Variants in PBRM1 observed in about 807,000 individuals in gnomAD.
The protein encoded by PBRM1 is polybromo 1.
In PBRM1, 27 loss-of-function variants were observed where a neutral mutation model predicts 194.5. The observed-to-expected ratio is 0.14, with a 90% CI of 0.10 to 0.19. The LOEUF (loss-of-function observed/expected upper bound fraction) is 0.19, where lower values mean the gene tolerates loss of function less well. Among genes scored for constraint, PBRM1 ranks in the 10% least tolerant of loss-of-function variants. The pLI is 1.00. For synonymous variants in PBRM1, 655 were observed against 693.2 expected, an observed-to-expected ratio of 0.94 and a Z score of 0.87; for missense variants, 1,466 against 2,077.2, an observed-to-expected ratio of 0.71 and a Z score of 5.72.
chr3:52,565,223 G>A (rs930570572), intron 22 of PBRM1, among the ~76,000 whole-genome samples: 10 of 149,256 alleles, frequency 6.7e-5, no homozygotes, highest in African/African-American at 2.5e-4. Flanking sequence ...AATTCAAAAT[G>A]GGCTGGGTGC....
At chr3:52,599,754 C>T (rs893068551) in intron 17 of PBRM1, among the ~76,000 whole-genome samples, 13 of 151,404 alleles carry the variant, frequency 8.6e-5, no homozygotes, top group Non-Finnish European at 1.9e-4. Context: ...GGTGTGAACC[C>T]GGGAGGTGGA....
Position 52,549,084 on chromosome 3 carries a change from G to A in PBRM1, c.4898-849C>T, listed in dbSNP as rs934055934. ...CACCCAGGCTGGAGTGCAGTGGTGC[G>A]ATCTTGGCTCACTGCAACCTCCACC... is the stretch of plus-strand genomic sequence containing the variant. On this transcript the variant is annotated intron_variant, in intron 29 of 29. Coordinates refer to ENST00000296302, the Ensembl canonical transcript of PBRM1. Among the ~76,000 whole-genome samples the A allele has an allele frequency of 3.5e-4, 53 of 150,792 alleles. 1 individual carries two copies. The highest frequency in any genetic ancestry group is 4.4e-4 in the Non-Finnish European group (30 of 67,794).
intron 27 of PBRM1, among the ~76,000 whole-genome samples, chr3:52,553,348 C>A (rs1575500565): frequency 6.6e-6 from 1 of 152,182 alleles, no homozygotes; most frequent in Admixed American, 6.5e-5. Flanking sequence ...TGCTAATTCA[C>A]ATTTTAAAGT....
intron 2 of PBRM1, among the ~76,000 whole-genome samples, chr3:52,673,671 C>CAAA (rs1324914906): frequency 4.1e-4 from 16 of 39,192 alleles, no homozygotes; most frequent in East Asian, 9.5e-4. Flanking sequence ...GACTCCATCT[C>CAAA]AAAAAAAAAA....
At chr3:52,583,983 T>G (rs940958332) in intron 20 of PBRM1, among the ~76,000 whole-genome samples, 1 of 152,112 alleles carries the variant, frequency 6.6e-6, no homozygotes, top group South Asian at 2.1e-4. Context: ...TAAAATGTAA[T>G]ACATCTGGCA....
At chr3:52,676,625 A>G (rs1011723690) in intron 2 of PBRM1, among the ~76,000 whole-genome samples, 3 of 152,184 alleles carry the variant, frequency 2.0e-5, no homozygotes, top group African/African-American at 7.2e-5. Flanking sequence ...AATTGATACC[A>G]GTAGAGTTGG....
chr3:52,553,663 CTTTTTTTT>C (rs71084188), intron 27 of PBRM1, among the ~76,000 whole-genome samples: 4 of 119,424 alleles, frequency 3.3e-5, no homozygotes, highest in African/African-American at 9.4e-5. Context: ...CTAATTTTTC[CTTTTTTTT>C]TTTTTTTTTT....
At chr3:52,682,026 T>C (rs117899456), upstream of PBRM1, 71 of 154,862 alleles carry the variant, frequency 4.6e-4, no homozygotes, top group East Asian at 0.011. Context: ...CTGACAGTTC[T>C]TCCATTTTAA....
intron 1 of PBRM1, chr3:52,684,771 T>A (rs1461550294): frequency 6.6e-6 from 1 of 152,244 alleles, no homozygotes; most frequent in Non-Finnish European, 1.5e-5. Flanking sequence ...TTGAGGTATT[T>A]TGTACATTCC....
chr3:52,600,268 A>G (rs554861812), intron 17 of PBRM1, among the ~76,000 whole-genome samples: 6 of 152,238 alleles, frequency 3.9e-5, no homozygotes, highest in African/African-American at 9.6e-5. Context: ...AGGTTTTTCA[A>G]CCTTTTAAAA....
At chr3:52,623,399 G>A (rs891023491) in intron 13 of PBRM1, among the ~76,000 whole-genome samples, 2 of 152,240 alleles carry the variant, frequency 1.3e-5, no homozygotes, top group African/African-American at 4.8e-5. Context: ...CCCACCTTAA[G>A]AGCTTCAGTT....
chr3:52,676,692 C>A (rs1295034258), intron 2 of PBRM1, among the ~76,000 whole-genome samples: 1 of 152,144 alleles, frequency 6.6e-6, no homozygotes, highest in Admixed American at 6.6e-5. Flanking sequence ...GGATAACAGG[C>A]AGAGGATGCA....
chr3:52,593,374 C>T (rs1380097902), intron 17 of PBRM1, among the ~76,000 whole-genome samples: 1 of 152,106 alleles, frequency 6.6e-6, no homozygotes, highest in African/African-American at 2.4e-5. Flanking sequence ...ATAGCTGGGA[C>T]TACAGGCACA....
chr3:52,619,117 C>G (rs1462049482), intron 13 of PBRM1, among the ~76,000 whole-genome samples: 3 of 152,210 alleles, frequency 2.0e-5, no homozygotes, highest in African/African-American at 7.2e-5. Flanking sequence ...TGGTCTCAAA[C>G]TCCTGACCTC....
chr3:52,573,574 C>T (rs1387506827), intron 22 of PBRM1, among the ~76,000 whole-genome samples: 1 of 152,152 alleles, frequency 6.6e-6, no homozygotes, highest in Non-Finnish European at 1.5e-5. Flanking sequence ...GGATTACAGG[C>T]ATGAGCCACC....
chr3:52,550,172 C>T (rs544751959), intron 29 of PBRM1, among the ~76,000 whole-genome samples: 19 of 149,586 alleles, frequency 1.3e-4, no homozygotes, highest in East Asian at 8.0e-4. Context: ...GAGCCAAGAT[C>T]GCGCCACTGC....
intron 17 of PBRM1, among the ~76,000 whole-genome samples, chr3:52,592,285 C>T (rs867925424): frequency 1.6e-4 from 25 of 152,080 alleles, no homozygotes; most frequent in African/African-American, 5.5e-4. Context: ...GTGCGTGCCA[C>T]CACACCTGGC....
chr3:52,598,343 C>G (rs1465765852), intron 17 of PBRM1, among the ~76,000 whole-genome samples: 1 of 152,120 alleles, frequency 6.6e-6, no homozygotes, highest in Non-Finnish European at 1.5e-5. Flanking sequence ...AATAATTATC[C>G]ATTTCTCCAC....
intron 17 of PBRM1, among the ~76,000 whole-genome samples, chr3:52,591,947 C>A (rs2093111081): frequency 6.7e-6 from 1 of 148,938 alleles, no homozygotes; most frequent in Non-Finnish European, 1.5e-5. Context: ...CTGCCTCAGC[C>A]TCCCAAGTAG....
Sources: allele counts gnomAD v4.1 joint callset (sites outside exome capture counted in the v4.1 genomes callset), GRCh38; gene constraint gnomAD v4.1.1; transcripts MANE v1.5; gene names NCBI Gene and HGNC (gene_info 2026-07-23, HGNC 2026-07-21).